The following TRIM24 variants were observed in gnomAD, a reference collection of about 807,000 sequenced individuals.
TRIM24 encodes transcription intermediary factor 1-alpha.
Under a neutral mutation model 123.9 loss-of-function variants are expected in TRIM24, and 29 were observed. That is an observed-to-expected ratio of 0.23 (90% confidence interval 0.17 to 0.32). TRIM24 has a LOEUF of 0.32. Among genes scored for constraint, TRIM24 ranks in the 10% least tolerant of loss-of-function variants. TRIM24 has a pLI of 1.00. For missense variants in TRIM24, 932 were observed against 1,295.3 expected, an observed-to-expected ratio of 0.72 and a Z score of 4.31; for synonymous variants, 456 against 461.1, an observed-to-expected ratio of 0.99 and a Z score of 0.14.
At chr7:138,514,893 G>T in intron 2 of TRIM24, 1 of 213,786 alleles carries the variant, frequency 4.7e-6, no homozygotes, top group Non-Finnish European at 9.6e-6. Flanking sequence ...CAAGACTGTA[G>T]TTATCATAAG....
intron 7 of TRIM24, among the ~76,000 whole-genome samples, chr7:138,549,760 A>T (rs1382499187): frequency 6.6e-6 from 1 of 152,194 alleles, no homozygotes; most frequent in East Asian, 1.9e-4. Flanking sequence ...AAGCATATTT[A>T]TATGTTGATG....
Position 138,508,720 on chromosome 7 carries a change from C to CGTGTGTGTGTGTGCGTGT in TRIM24, c.483+4325_483+4326insCGTGTGTGTGTGTGTGTG, listed in dbSNP as rs1554436717. Among the ~76,000 whole-genome samples the CGTGTGTGTGTGTGCGTGT allele has an allele frequency of 1.1e-3, 81 of 72,592 alleles. No individual in the cohort carries two copies. In the South Asian group the frequency reaches 0.012, roughly 11 times the overall value. 47.6% of individuals were successfully genotyped at this position (72,592 alleles called of 152,430 possible). ...GCGCGCGTGTGTGCGTGTGTGTGTG[C>CGTGTGTGTGTGTGCGTGT]GTGTGTGTGTGTGTGTGTGTGTGTG... On this transcript the variant is annotated intron_variant, in intron 2 of 18. Transcript: ENST00000343526.
intron 7 of TRIM24, chr7:138,545,326 A>T: frequency 2.3e-6 from 1 of 430,986 alleles, no homozygotes; most frequent in South Asian, 1.7e-5. Flanking sequence ...GCTGGCAGCC[A>T]CGGATGTGAA....
At chr7:138,489,562 A>G (rs1795732347) in intron 1 of TRIM24, among the ~76,000 whole-genome samples, 1 of 152,144 alleles carries the variant, frequency 6.6e-6, no homozygotes, top group African/African-American at 2.4e-5. Context: ...AAAATCTCTC[A>G]GCATTTTCTT....
At chr7:138,577,665 G>A in intron 14 of TRIM24, 77 bp downstream of exon 14, 1 of 1,175,720 alleles carries the variant, frequency 8.5e-7, no homozygotes, top group Non-Finnish European at 1.1e-6. Flanking sequence ...GCTCTTAGGA[G>A]TTTTTTTTTA....
chr7:138,569,282 G>GT (rs971571992), intron 10 of TRIM24, among the ~76,000 whole-genome samples: 1 of 152,054 alleles, frequency 6.6e-6, no homozygotes, highest in Non-Finnish European at 1.5e-5. Context: ...CTCTAAGCAT[G>GT]TTTTTTTAAA....
intron 1 of TRIM24, among the ~76,000 whole-genome samples, chr7:138,481,883 GT>G (rs1795534296): frequency 2.6e-5 from 4 of 152,108 alleles, no homozygotes; most frequent in African/African-American, 9.6e-5. Flanking sequence ...TTGGGTTTTC[GT>G]TTCATCTGCA....
In TRIM24 at chr7:138,552,869, A is replaced by G. The variant is rs530431052; in HGVS notation, c.1261+1689A>G. On this transcript the variant is annotated intron_variant, in intron 8 of 18. Transcript: ENST00000343526. ...AGAATACAGAACATGTGTATAAGTAACTTATTGCCACACCTGACTCTACCA... is the reference window on the plus strand; with the variant it reads ...AGAATACAGAACATGTGTATAAGTAGCTTATTGCCACACCTGACTCTACCA... 9.3e-4 allele frequency among the ~76,000 whole-genome samples: 141 copies of G among 152,314 alleles called. 1 individual carries two copies. The highest frequency in any genetic ancestry group is 3.3e-3 in the African/African-American group (136 of 41,556).
At chr7:138,498,970 G>A (rs1026077684) in intron 1 of TRIM24, among the ~76,000 whole-genome samples, 3 of 152,068 alleles carry the variant, frequency 2.0e-5, no homozygotes, top group Non-Finnish European at 4.4e-5. Context: ...ATTGGATCAG[G>A]TTTGATTCTT....
chr7:138,461,379 G>GTGAT, intron 1 of TRIM24: 1 of 399,800 alleles, frequency 2.5e-6, no homozygotes, highest in Non-Finnish European at 4.9e-6. Flanking sequence ...TGAAGATGAA[G>GTGAT]TGATGGTGAC....
intron 9 of TRIM24, among the ~76,000 whole-genome samples, chr7:138,556,939 A>G (rs949742072): frequency 6.6e-6 from 1 of 152,260 alleles, no homozygotes; most frequent in African/African-American, 2.4e-5. Context: ...CTCGTGGTAC[A>G]GGCAAGGAGG....
intron 2 of TRIM24, among the ~76,000 whole-genome samples, chr7:138,505,058 G>A (rs1422853773): frequency 6.6e-6 from 1 of 152,198 alleles, no homozygotes; most frequent in African/African-American, 2.4e-5. Context: ...ACCGTGCCTG[G>A]CCTCTTTTTG....
At chr7:138,484,264 C>T (rs1333398695) in intron 1 of TRIM24, among the ~76,000 whole-genome samples, 2 of 151,976 alleles carry the variant, frequency 1.3e-5, no homozygotes, top group Non-Finnish European at 2.9e-5. Flanking sequence ...CATGTGCCAC[C>T]ATGCCTGGCT....
intron 1 of TRIM24, among the ~76,000 whole-genome samples, chr7:138,494,265 C>T (rs779004806): frequency 2.9e-4 from 44 of 151,956 alleles, no homozygotes; most frequent in South Asian, 2.1e-4. Context: ...TACAGGGGGC[C>T]GTGAGCCACT....
At chr7:138,531,345 C>T (rs954274498) in intron 6 of TRIM24, among the ~76,000 whole-genome samples, 1 of 147,684 alleles carries the variant, frequency 6.8e-6, no homozygotes, top group South Asian at 2.1e-4. Context: ...TTAGGTATAT[C>T]TCCCAATGCT....
intron 4 of TRIM24, among the ~76,000 whole-genome samples, chr7:138,523,665 G>A (rs1246390686): frequency 6.6e-6 from 1 of 151,094 alleles, no homozygotes; most frequent in Non-Finnish European, 1.5e-5. Flanking sequence ...GCAGGAGAAT[G>A]GCGTGAACCC....
intron 2 of TRIM24, among the ~76,000 whole-genome samples, chr7:138,505,877 G>A (rs113546864): frequency 5.5e-4 from 84 of 152,318 alleles, no homozygotes; most frequent in Middle Eastern, 3.4e-3. Flanking sequence ...GGTTAGCCAT[G>A]TTGAGATTAA....
chr7:138,562,415 C>G (rs1375201821), intron 9 of TRIM24, among the ~76,000 whole-genome samples: 3 of 152,164 alleles, frequency 2.0e-5, no homozygotes, highest in Non-Finnish European at 4.4e-5. Flanking sequence ...GGGTTTGGTA[C>G]TATCGGGTGG....
intron 7 of TRIM24, among the ~76,000 whole-genome samples, chr7:138,541,246 C>T (rs10232500): frequency 0.013 from 1,992 of 151,874 alleles, 36 homozygotes; most frequent in African/African-American, 0.045. Context: ...GCTTGGAGTT[C>T]GAGACCACCC....
Sources: allele counts gnomAD v4.1 joint callset (sites outside exome capture counted in the v4.1 genomes callset), GRCh38; gene constraint gnomAD v4.1.1; transcripts MANE v1.5; gene names NCBI Gene and HGNC (gene_info 2026-07-23, HGNC 2026-07-21).